The following HOXB2 variants were observed in gnomAD, a reference collection of about 807,000 sequenced individuals.
HOXB2 encodes the protein homeobox protein Hox-B2.
Under a neutral mutation model 13.1 loss-of-function variants are expected in HOXB2, and 14 were observed. The ratio of observed to expected loss-of-function variants is 1.07; its 90% CI spans 0.71 to 1.67. HOXB2 has a LOEUF of 1.67. HOXB2 is among the 40% of genes most tolerant of loss of function. HOXB2 has a pLI of 0.00. For missense variants in HOXB2, 582 were observed against 488.3 expected, an observed-to-expected ratio of 1.19 and a Z score of -1.81; for synonymous variants, 261 against 233.1, an observed-to-expected ratio of 1.12 and a Z score of -1.09.
Position 48,543,272 on chromosome 17 carries a change from T to C in HOXB2, c.867A>G (p.Pro289=), listed in dbSNP as rs750258616. 5.5e-5 allele frequency: 89 copies of C among 1,603,868 alleles called. No individual in the cohort carries two copies. Among genetic ancestry groups the C allele is most frequent in the Middle Eastern group, 1.7e-4 (1 of 5,950 alleles). Residue 289 remains proline, a synonymous_variant, in exon 2 of 2, where the codon CCA becomes CCG. Coordinates refer to ENST00000330070, the MANE Select transcript of HOXB2 (RefSeq NM_002145.4). ...GCCCCGAGAAGACGTCTTCTGGCAA[T>C]GGCCCGGGCTCCAGCCCGCCGGCCC... ...LRGAGGLEPG[P]LPEDVFSGRQ... is the part of the protein sequence containing the mutation.
In HOXB2 at chr17:48,544,703, T is replaced by G. The variant is rs781321218; in HGVS notation, c.209A>C (p.Lys70Thr). 2 of 1,613,780 alleles carry G rather than the reference T, an allele frequency of 1.2e-6. No homozygotes were observed. The highest frequency in any genetic ancestry group is 1.7e-6 in the Non-Finnish European group (2 of 1,179,936). ...ASTLQRPRSQ[K>T]RAEDGPALPP... Reference sequence around the variant, plus strand: ...CAGAGCAGGCCCATCTTCGGCTCGCTTTTGGCTCCTGGGTCTCTGAAGGGT... The same window carrying G: ...CAGAGCAGGCCCATCTTCGGCTCGCGTTTGGCTCCTGGGTCTCTGAAGGGT... Residue 70 changes from lysine to threonine, a missense_variant, in exon 1 of 2, where the codon AAG becomes ACG. Physicochemically the swap from Lys to Thr is moderately conservative, Grantham distance 78. Coordinates refer to ENST00000330070, the MANE Select transcript of HOXB2 (RefSeq NM_002145.4).
At position 48,543,037 on chromosome 17, in the gene HOXB2, G is replaced by A; in HGVS notation, c.*31C>T. 6.5e-7 allele frequency: 1 copy of A among 1,530,806 alleles called. No homozygotes were observed. The highest frequency in any genetic ancestry group is 8.8e-7 in the Non-Finnish European group (1 of 1,137,422). 94.8% of individuals were successfully genotyped at this position (1,530,806 alleles called of 1,614,324 possible). A position where few individuals can be genotyped will look rare whatever the true frequency, so the allele number is the denominator to read the frequency against. On this transcript the variant is annotated 3_prime_UTR_variant, in exon 2 of 2. Coordinates refer to ENST00000330070, the MANE Select transcript of HOXB2 (RefSeq NM_002145.4). The stretch of plus-strand genomic sequence containing the variant: ...TTCCAGTAGACGGCCAAGGAGCGCG[G>A]GGGTCGAAAGGACCGGGAGGAGGAA...
chr17:48,543,570 C>G lies in HOXB2; in HGVS notation c.569G>C (p.Trp190Ser). Residue 190 changes from tryptophan to serine, a missense_variant, in exon 2 of 2, where the codon TGG (tryptophan) becomes TCG (serine). Physicochemically the swap from Trp to Ser is radical, Grantham distance 177. Transcript: ENST00000330070. Reference protein sequence around the residue: ...LDLTERQVKVWFQNRRMKHKR... With the variant: ...LDLTERQVKVSFQNRRMKHKR... Reference sequence around the variant, plus strand: ...GTGCTTCATGCGCCGGTTCTGAAACCAGACTTTGACCTGCCTTTCGGTGAG... The same window carrying G: ...GTGCTTCATGCGCCGGTTCTGAAACGAGACTTTGACCTGCCTTTCGGTGAG... 1 of 1,613,378 alleles carries G rather than the reference C, an allele frequency of 6.2e-7. No homozygotes were observed. Among genetic ancestry groups the G allele is most frequent in the Non-Finnish European group, 8.5e-7 (1 of 1,179,988 alleles).
chr17:48,543,968 C>T, intron 1 of HOXB2: 2 of 1,305,416 alleles, frequency 1.5e-6, no homozygotes. Flanking sequence ...TCAGAGCCGC[C>T]CACGGGCCAC....
At position 48,542,765 on chromosome 17, in the gene HOXB2, T is replaced by G; in HGVS notation, c.*303A>C. On this transcript the variant is annotated 3_prime_UTR_variant, in exon 2 of 2. Transcript: ENST00000330070. The stretch of plus-strand genomic sequence containing the variant: ...AATAAATAATCTACAGTCTAAAACA[T>G]AAAAAAGAGGAAAATAGGTCCCTCT... The G allele has an allele frequency of 8.0e-6, 2 of 249,178 alleles. No homozygotes were observed. The highest frequency in any genetic ancestry group is 1.5e-5 in the Non-Finnish European group (2 of 132,340). The allele number at this position is 249,178 out of a possible 1,614,324, so 15.4% of individuals were successfully genotyped here.
chr17:48,545,043 T>C lies in HOXB2; in HGVS notation c.-132A>G, dbSNP rs1457826211. 4.1e-6 allele frequency: 3 copies of C among 732,370 alleles called. No individual in the cohort carries two copies. The highest frequency in any genetic ancestry group is 6.5e-6 in the Non-Finnish European group (3 of 465,078). The allele number at this position is 732,370 out of a possible 1,614,324, so 45.4% of individuals were successfully genotyped here. ...GGGAGGGGGAGATTTCGGTCTCTCT[T>C]TTTTTTAATTTTGGGCCTTTATAAT... On this transcript the variant is annotated 5_prime_UTR_variant, in exon 1 of 2. Transcript: ENST00000330070.
chr17:48,543,783 G>A (rs770536743), intron 1 of HOXB2, 36 bp from the exon 2 acceptor site: 2 of 1,552,462 alleles, frequency 1.3e-6, no homozygotes, highest in Non-Finnish European at 1.7e-6. Flanking sequence ...ATAGCGGGCC[G>A]TGTACTCAGC....
Position 48,543,714 on chromosome 17 carries a change from C to G in HOXB2, c.425G>C (p.Gly142Ala), listed in dbSNP as rs776139436. Reference sequence around the variant, plus strand: ...GTAAGCCGTGCGCAGCCTGCGCGCCCCGCCGCCACCAGCCTCCGGCAGTCC... The same window carrying G: ...GTAAGCCGTGCGCAGCCTGCGCGCCGCGCCGCCACCAGCCTCCGGCAGTCC... Reference protein sequence around the residue: ...GLGLPEAGGGGARRLRTAYTN... With the variant: ...GLGLPEAGGGAARRLRTAYTN... The change falls in exon 2 of 2, where the codon GGG becomes GCG. Residue 142 changes from glycine to alanine, a missense_variant. By Grantham distance (60) the Gly-to-Ala change is moderately conservative. Coordinates refer to ENST00000330070, the MANE Select transcript of HOXB2 (RefSeq NM_002145.4). 3 of 1,608,426 alleles carry G rather than the reference C, an allele frequency of 1.9e-6. No homozygotes were observed. The highest frequency in any genetic ancestry group is 2.7e-5 in the African/African-American group (2 of 74,850).
At position 48,543,329 on chromosome 17, in the gene HOXB2, T is replaced by G; in HGVS notation, c.810A>C (p.Ala270=). ...PRPLAVRLEG[A]GASSPGCALR... ...GCGCGCAGCCGGGACTCGACGCGCC[T>G]GCGCCCTCTAAGCGAACGGCTAAAG... is the stretch of plus-strand genomic sequence containing the variant. Residue 270 remains alanine, a synonymous_variant, in exon 2 of 2, where the codon GCA becomes GCC. Coordinates refer to ENST00000330070, the MANE Select transcript of HOXB2 (RefSeq NM_002145.4). 6.3e-7 allele frequency: 1 copy of G among 1,599,342 alleles called. No individual in the cohort carries two copies.
At position 48,544,671 on chromosome 17, in the gene HOXB2, G is replaced by T; in HGVS notation, c.241C>A (p.Pro81Thr). 1 of 1,611,994 alleles carries T rather than the reference G, an allele frequency of 6.2e-7. No homozygotes were observed. The highest frequency in any genetic ancestry group is 8.5e-7 in the Non-Finnish European group (1 of 1,179,294). ...RAEDGPALPP[P>T]PPPPLPAAPP... ...GCAGCGGGGAGTGGCGGCGGCGGTG[G>T]CGGCGGCAGAGCAGGCCCATCTTCG... The change falls in exon 1 of 2, where the codon CCA becomes ACA. Residue 81 changes from proline to threonine, a missense_variant. Coordinates refer to ENST00000330070, the MANE Select transcript of HOXB2 (RefSeq NM_002145.4).
chr17:48,544,551 C>G lies in HOXB2; in HGVS notation c.361G>C (p.Val121Leu). Reference sequence around the variant, plus strand: ...GGCGATCCGACCCCGGAGGCCGGAACGGCGGAGGCGGCCGGAGAAGGAGAC... The same window carrying G: ...GGCGATCCGACCCCGGAGGCCGGAAGGGCGGAGGCGGCCGGAGAAGGAGAC... ...ATSPSPAASA[V>L]PASGVGSPAD... Residue 121 changes from valine to leucine, a missense_variant, in exon 1 of 2, where the codon GTT becomes CTT. Coordinates refer to ENST00000330070, the MANE Select transcript of HOXB2 (RefSeq NM_002145.4). The G allele has an allele frequency of 6.2e-7, 1 of 1,606,470 alleles. No homozygotes were observed. Among genetic ancestry groups the G allele is most frequent in the Admixed American group, 1.7e-5 (1 of 60,002 alleles).
rs1264394090 is a variant in HOXB2 at position 48,544,942 on chromosome 17, G to A, written c.-31C>T. Reference sequence around the variant, plus strand: ...TCAATGGTGGGGGAGGGGGCTGCTGGGGGGGGCGTCAGGAGGGAGGATCGG... The same window carrying A: ...TCAATGGTGGGGGAGGGGGCTGCTGAGGGGGGCGTCAGGAGGGAGGATCGG... On this transcript the variant is annotated 5_prime_UTR_variant, in exon 1 of 2. Coordinates refer to ENST00000330070, the MANE Select transcript of HOXB2 (RefSeq NM_002145.4). The A allele has an allele frequency of 7.1e-7, 1 of 1,399,042 alleles. No individual in the cohort carries two copies. Among genetic ancestry groups the A allele is most frequent in the African/African-American group, 1.6e-5 (1 of 63,424 alleles). 86.7% of individuals were successfully genotyped at this position (1,399,042 alleles called of 1,614,324 possible).
At chr17:48,543,788 C>CAGCCGTG in intron 1 of HOXB2, 41 bp from the exon 2 acceptor site, 1 of 1,546,756 alleles carries the variant, frequency 6.5e-7, no homozygotes, top group Non-Finnish European at 8.7e-7. Context: ...GGGCCGTGTA[C>CAGCCGTG]TCAGCCCAAC....
chr17:48,542,842 T>C lies in HOXB2; in HGVS notation c.*226A>G. On this transcript the variant is annotated 3_prime_UTR_variant, in exon 2 of 2. Coordinates refer to ENST00000330070, the MANE Select transcript of HOXB2 (RefSeq NM_002145.4). ...AGTTTAATTATTCCTGAGATTTCAT[T>C]GGAAGGAGTCTACCAAACGGAATTT... is the stretch of plus-strand genomic sequence containing the variant. 2 of 394,172 alleles carry C rather than the reference T, an allele frequency of 5.1e-6. No homozygotes were observed. The highest frequency in any genetic ancestry group is 8.9e-6 in the Non-Finnish European group (2 of 223,568). The allele number at this position is 394,172 out of a possible 1,614,324, so 24.4% of individuals were successfully genotyped here.
chr17:48,544,477 C>G (rs774591388), intron 1 of HOXB2, 44 bp downstream of exon 1: 6 of 1,542,418 alleles, frequency 3.9e-6, no homozygotes, highest in Non-Finnish European at 4.3e-6. Flanking sequence ...TTTTCTCCCC[C>G]TCTTCTAGCT....
chr17:48,544,410 G>A, intron 1 of HOXB2, 111 bp downstream of exon 1: 1 of 1,446,506 alleles, frequency 6.9e-7, no homozygotes, highest in Non-Finnish European at 9.0e-7. Flanking sequence ...AGGAATGGAG[G>A]GGGTAAGGAA....
rs753870383 is a variant in HOXB2 at position 48,544,524 on chromosome 17, C to T, written c.388G>A (p.Ala130Thr). The T allele has an allele frequency of 7.5e-6, 12 of 1,602,140 alleles. No homozygotes were observed. The highest frequency in any genetic ancestry group is 1.0e-5 in the Non-Finnish European group (12 of 1,179,044). ...AVPASGVGSPADGLGLPEAGG... is the reference protein window; with the variant it reads ...AVPASGVGSPTDGLGLPEAGG... ...CACCCCCACCACGCTTACCGACCTG[C>T]AGGCGATCCGACCCCGGAGGCCGGA... Residue 130 changes from alanine to threonine, a missense_variant, in exon 1 of 2, where the codon GCA becomes ACA. Coordinates refer to ENST00000330070, the MANE Select transcript of HOXB2 (RefSeq NM_002145.4).
rs779267292 is a variant in HOXB2, at chr17:48,543,376, C to A, written c.763G>T (p.Ala255Ser). The change falls in exon 2 of 2, where the codon GCC becomes TCC. Residue 255 changes from alanine to serine, a missense_variant. By Grantham distance (99) the Ala-to-Ser change is moderately conservative. Coordinates refer to ENST00000330070, the MANE Select transcript of HOXB2 (RefSeq NM_002145.4). ...CCHPPEVVPG[A>S]LSADPRPLAV... The stretch of plus-strand genomic sequence containing the variant: ...AAAGGCCGGGGGTCCGCGCTTAAGG[C>A]CCCCGGCACCACCTCCGGCGGGTGA... 4.4e-6 allele frequency: 7 copies of A among 1,586,992 alleles called. No individual in the cohort carries two copies. The highest frequency in any genetic ancestry group is 6.0e-6 in the Non-Finnish European group (7 of 1,170,452).
In HOXB2 at chr17:48,545,010, GC is replaced by G. The variant is rs1401033138; in HGVS notation, c.-100del. 10 of 1,199,956 alleles carry G rather than the reference GC, an allele frequency of 8.3e-6. No homozygotes were observed. Among genetic ancestry groups the G allele is most frequent in the Non-Finnish European group, 1.1e-5 (10 of 877,594 alleles). 74.3% of individuals were successfully genotyped at this position (1,199,956 alleles called of 1,614,324 possible). A position where few individuals can be genotyped will look rare whatever the true frequency, so the allele number is the denominator to read the frequency against. On this transcript the variant is annotated 5_prime_UTR_variant, in exon 1 of 2. Transcript: ENST00000330070. ...CACCCCCCCCGATTTATGTAATGGA[GC>G]GATTTTGGGAGGGGGAGATTTCGGT... is the stretch of plus-strand genomic sequence containing the variant.
Sources: allele counts gnomAD v4.1 joint callset, GRCh38; gene constraint gnomAD v4.1.1; transcripts MANE v1.5; gene names NCBI Gene and HGNC (gene_info 2026-07-23, HGNC 2026-07-21).